The following C3 variants were observed in gnomAD, a reference collection of about 807,000 sequenced individuals.
C3 encodes the protein complement C3.
In C3, 97 loss-of-function variants were observed where a neutral mutation model predicts 207.9. That is an observed-to-expected ratio of 0.47 (90% confidence interval 0.40 to 0.55). The LOEUF (loss-of-function observed/expected upper bound fraction) is 0.55, where lower values mean the gene tolerates loss of function less well. C3 is among the 20% of genes least tolerant of loss of function. The pLI is 0.00. For synonymous variants in C3, 848 were observed against 857.6 expected, an observed-to-expected ratio of 0.99 and a Z score of 0.20; for missense variants, 1,684 against 2,171.7, an observed-to-expected ratio of 0.78 and a Z score of 4.46.
At chr19:6,685,602 A>T (rs780198894) in intron 29 of C3, among the ~76,000 whole-genome samples, 11 of 152,202 alleles carry the variant, frequency 7.2e-5, no homozygotes, top group Admixed American at 2.0e-4. Flanking sequence ...GTGACAGACC[A>T]CCAGAAAGAA....
rs763044103 is a variant in C3, at chr19:6,677,872, G to A, written c.*10C>T. On this transcript the variant is annotated 3_prime_UTR_variant, in exon 41 of 41. Coordinates refer to ENST00000245907, the MANE Select transcript of C3 (RefSeq NM_000064.4). ...GAAGCTTTATCTGGAGTGGGGGAAT[G>A]GGGGTGTGGTCAGTTGGGGCACCCA... 19 of 1,613,848 alleles carry A rather than the reference G, an allele frequency of 1.2e-5. No individual in the cohort carries two copies. The highest frequency in any genetic ancestry group is 1.6e-5 in the Non-Finnish European group (19 of 1,179,984).
chr19:6,685,891 G>C (rs896844373), intron 29 of C3, among the ~76,000 whole-genome samples: 3 of 152,190 alleles, frequency 2.0e-5, no homozygotes, highest in African/African-American at 7.2e-5. Flanking sequence ...ACATGATCTA[G>C]ACACCTGGGG....
At chr19:6,707,632 G>A in intron 15 of C3, 95 bp from the exon 16 acceptor site, 1 of 1,531,404 alleles carries the variant, frequency 6.5e-7, no homozygotes, top group Non-Finnish European at 9.0e-7. Context: ...GGGTGTTCCT[G>A]CTCCCATTTG....
At chr19:6,699,753 A>T (rs1169564396) in intron 19 of C3, among the ~76,000 whole-genome samples, 1 of 152,130 alleles carries the variant, frequency 6.6e-6, no homozygotes, top group African/African-American at 2.4e-5. Context: ...AAAATATATC[A>T]TCAGTAATTT....
In C3 at chr19:6,697,076, A is replaced by ATAAAT. The variant is rs71177114; in HGVS notation, c.2796+267_2796+268insATTTA. Among the ~76,000 whole-genome samples the ATAAAT allele has an allele frequency of 0.3, 33,556 of 111,694 alleles. 7,061 individuals carry two copies. Among genetic ancestry groups the ATAAAT allele is most frequent in the East Asian group, 0.61 (2,368 of 3,892 alleles). The allele number at this position is 111,694 out of a possible 152,430, so 73.3% of individuals were successfully genotyped here. On this transcript the variant is annotated intron_variant, in intron 21 of 40. Coordinates refer to ENST00000245907, the MANE Select transcript of C3 (RefSeq NM_000064.4). Reference sequence around the variant, plus strand: ...AACAAACAAATAAATAAATAAATAAAAAATTTCAAATCGAGTATAAAAAAA... The same window carrying ATAAAT: ...AACAAACAAATAAATAAATAAATAAATAAATAAATTTCAAATCGAGTATAAAAAAA...
At chr19:6,704,530 G>A (rs1967734409) in intron 17 of C3, among the ~76,000 whole-genome samples, 1 of 151,904 alleles carries the variant, frequency 6.6e-6, no homozygotes, top group African/African-American at 2.4e-5. Flanking sequence ...AGGCGGAGGC[G>A]GGCAGATCCC....
chr19:6,714,307 G>T (rs200523897), intron 5 of C3, 45 bp downstream of exon 5: 1 of 1,606,030 alleles, frequency 6.2e-7, no homozygotes, highest in Admixed American at 1.7e-5. Context: ...CTCCCTCTCC[G>T]GGGATAGGGG....
rs759153670 is a variant in C3, at chr19:6,711,061, C to T, written c.1405G>A (p.Glu469Lys). ...AGGAGGAAGTTGACGTTGAGGGTCT[C>T]CCCGGGTCTGAGCTCTGTACGTAGC... ...SVLRTELRPGETLNVNFLLRM... is the reference protein window; with the variant it reads ...SVLRTELRPGKTLNVNFLLRM... The change falls in exon 12 of 41, where the codon GAG (glutamate) becomes AAG (lysine). Residue 469 changes from glutamate to lysine, a missense_variant. By Grantham distance (56) the Glu-to-Lys change is moderately conservative. Transcript: ENST00000245907. 2 of 1,614,108 alleles carry T rather than the reference C, an allele frequency of 1.2e-6. No homozygotes were observed. Among genetic ancestry groups the T allele is most frequent in the Admixed American group, 1.7e-5 (1 of 60,020 alleles).
intron 25 of C3, 148 bp from the exon 26 acceptor site, chr19:6,693,231 G>A (rs982900154): frequency 1.6e-5 from 18 of 1,113,222 alleles, no homozygotes; most frequent in Non-Finnish European, 2.4e-5. Context: ...TGTTGTATGC[G>A]GTCCGTGCTT....
chr19:6,709,611 T>TACC, intron 14 of C3, 73 bp downstream of exon 14: 68 of 1,109,324 alleles, frequency 6.1e-5, no homozygotes, highest in Middle Eastern at 4.0e-4. Flanking sequence ...CCCTCTCCAG[T>TACC]CCCACCCACC....
At chr19:6,693,314 A>T in intron 25 of C3, 98 bp downstream of exon 25, 1 of 1,306,616 alleles carries the variant, frequency 7.7e-7, no homozygotes, top group Non-Finnish European at 1.1e-6. Flanking sequence ...CTGTTTGGGC[A>T]AGGCTGGCCT....
intron 13 of C3, 106 bp downstream of exon 13, chr19:6,710,533 G>T: frequency 1.2e-6 from 1 of 850,440 alleles, no homozygotes; most frequent in Non-Finnish European, 1.9e-6. Flanking sequence ...AGAAAGGAGA[G>T]AGAAAAGGAG....
chr19:6,714,508 T>C, intron 4 of C3, 62 bp from the exon 5 acceptor site: 4 of 1,137,910 alleles, frequency 3.5e-6, no homozygotes, highest in Non-Finnish European at 5.3e-6. Context: ...GGGCTTAGCC[T>C]CTCAGCTCTC....
chr19:6,685,322 C>G (rs1389991989), intron 29 of C3, among the ~76,000 whole-genome samples, 176 bp from the exon 30 acceptor site: 1 of 152,090 alleles, frequency 6.6e-6, no homozygotes, highest in Non-Finnish European at 1.5e-5. Context: ...ATGTTCAGAA[C>G]TCTCCGAGAG....
rs911645126 is a variant in C3, at chr19:6,678,181, G to C, written c.4821C>G (p.Leu1607=). Residue 1607 remains leucine, a synonymous_variant, in exon 40 of 41, where the codon CTC becomes CTG. Transcript: ENST00000245907. The part of the protein sequence containing the change: ...EEKKHYLMWG[L]SSDFWGEKPN... Reference sequence around the variant, plus strand: ...GCTTCTCTCCCCAGAAATCGGAGGAGAGACCCCACATGAGGTAGTGTTTCT... The same window carrying C: ...GCTTCTCTCCCCAGAAATCGGAGGACAGACCCCACATGAGGTAGTGTTTCT... The C allele has an allele frequency of 1.9e-5, 30 of 1,614,222 alleles. No homozygotes were observed. Among genetic ancestry groups the C allele is most frequent in the Non-Finnish European group, 2.5e-5 (30 of 1,180,040 alleles).
At chr19:6,689,832 A>G (rs1324887971) in intron 27 of C3, among the ~76,000 whole-genome samples, 2 of 152,148 alleles carry the variant, frequency 1.3e-5, no homozygotes, top group Non-Finnish European at 2.9e-5. Context: ...AAAGACAAAA[A>G]TTAGCCGGGT....
At chr19:6,711,227 C>G in intron 11 of C3, 31 bp from the exon 12 acceptor site, 1 of 1,588,542 alleles carries the variant, frequency 6.3e-7, no homozygotes, top group Non-Finnish European at 8.6e-7. Context: ...GCCTGCTGGT[C>G]GCCGCCCGAG....
rs755235514 is a variant in C3 at position 6,678,050 on chromosome 19, A to C, written c.4851-27T>G. Reference sequence around the variant, plus strand: ...TGGAGGGAAGAATGGCAGGTCAGGAAGGGGCGTGGTGTGGGCGTGGCGCAG... The same window carrying C: ...TGGAGGGAAGAATGGCAGGTCAGGACGGGGCGTGGTGTGGGCGTGGCGCAG... On this transcript the variant is annotated intron_variant, in intron 40 of 40. Coordinates refer to ENST00000245907, the MANE Select transcript of C3 (RefSeq NM_000064.4). 2.5e-6 allele frequency: 4 copies of C among 1,614,002 alleles called. No homozygotes were observed. In the South Asian group the frequency reaches 4.4e-5, roughly 18 times the overall value.
intron 14 of C3, 57 bp from the exon 15 acceptor site, chr19:6,707,986 C>T (rs761114154): frequency 1.2e-6 from 2 of 1,603,324 alleles, no homozygotes; most frequent in Non-Finnish European, 1.7e-6. Context: ...AATTGGGATC[C>T]CCCACATATG....
Sources: allele counts gnomAD v4.1 joint callset (sites outside exome capture counted in the v4.1 genomes callset), GRCh38; gene constraint gnomAD v4.1.1; transcripts MANE v1.5; gene names NCBI Gene and HGNC (gene_info 2026-07-23, HGNC 2026-07-21).